Variants in MGAT5 observed in about 807,000 individuals in gnomAD.
MGAT5 encodes the protein alpha-1,6-mannosylglycoprotein 6-beta-N-acetylglucosaminyltransferase A.
In MGAT5, 30 loss-of-function variants were observed where a neutral mutation model predicts 94.3. The observed-to-expected ratio is 0.32, with a 90% CI of 0.24 to 0.43. The LOEUF (loss-of-function observed/expected upper bound fraction) is 0.43, where lower values mean the gene tolerates loss of function less well. MGAT5 is among the 20% of genes least tolerant of loss of function. MGAT5 has a pLI of 1.00. For missense variants in MGAT5, 691 were observed against 905.5 expected (o/e 0.76, Z 3.04); for synonymous variants, 310 against 322.9 (o/e 0.96, Z 0.43).
rs113969355 is a variant in MGAT5, at chr2:134,394,535, T to C, written c.1381-8453T>C. Among the ~76,000 whole-genome samples, 80 of 152,338 alleles carry C rather than the reference T, an allele frequency of 5.3e-4. 1 individual carries two copies. Among genetic ancestry groups the C allele is most frequent in the African/African-American group, 1.5e-3 (63 of 41,584 alleles). ...TTACTAAGAGAGACCAATATATAGA[T>C]AGAATTCTCCCCCCTTCTTGTTACC... On this transcript the variant is annotated intron_variant, in intron 10 of 15. Transcript: ENST00000281923.
intron 10 of MGAT5, among the ~76,000 whole-genome samples, chr2:134,370,059 A>G (rs945175691): frequency 1.3e-5 from 2 of 152,248 alleles, no homozygotes; most frequent in East Asian, 1.9e-4. Context: ...ATAGAATCCC[A>G]TTCTGAAAAC....
rs1270939281 is a variant in MGAT5 at position 134,256,044 on chromosome 2, T to TA, written c.241+1401dup. On this transcript the variant is annotated intron_variant, in intron 1 of 15. Transcript: ENST00000281923. The stretch of plus-strand genomic sequence containing the variant: ...ATTTTAGAAATTCTTTTCTAGTTCT[T>TA]ACTATGTAAATAATCACACTCTGCA... Among the ~76,000 whole-genome samples the TA allele has an allele frequency of 5.9e-5, 9 of 152,362 alleles. No homozygotes were observed. The East Asian group carries it at 1.5e-3, about 26-fold the overall frequency.
chr2:134,352,004 A>G (rs1413133656), intron 9 of MGAT5, among the ~76,000 whole-genome samples: 1 of 152,160 alleles, frequency 6.6e-6, no homozygotes, highest in Non-Finnish European at 1.5e-5. Context: ...CCAAGATACC[A>G]TGCCCCATGT....
intron 1 of MGAT5, among the ~76,000 whole-genome samples, chr2:134,185,896 A>G (rs145782741): frequency 4.9e-4 from 75 of 152,264 alleles, no homozygotes; most frequent in Admixed American, 1.4e-3. Context: ...CCCGAGTCCA[A>G]TTGCTCCTGG....
intron 1 of MGAT5, among the ~76,000 whole-genome samples, chr2:134,130,945 G>A (rs866620612): frequency 1.3e-5 from 2 of 152,246 alleles, no homozygotes; most frequent in Non-Finnish European, 2.9e-5. Flanking sequence ...GGGCCAATCA[G>A]CAGGATGTGG....
chr2:134,361,063 G>T (rs1680062908), intron 9 of MGAT5, among the ~76,000 whole-genome samples: 1 of 152,230 alleles, frequency 6.6e-6, no homozygotes, highest in Non-Finnish European at 1.5e-5. Flanking sequence ...CTGGGCATCG[G>T]AGTCCTAGGC....
intron 10 of MGAT5, among the ~76,000 whole-genome samples, chr2:134,400,361 A>G (rs974022527): frequency 7.9e-5 from 12 of 152,108 alleles, no homozygotes; most frequent in African/African-American, 2.9e-4. Flanking sequence ...TTTTCCTCTA[A>G]TCAGCTGTTG....
chr2:134,380,301 AGTAAATATT>A (rs1681457237), intron 10 of MGAT5, among the ~76,000 whole-genome samples: 1 of 152,242 alleles, frequency 6.6e-6, no homozygotes, highest in South Asian at 2.1e-4. Context: ...TCTGGAGCAT[AGTAAATATT>A]CAAATGGTAG....
chr2:134,347,372 A>G (rs1273911311), intron 8 of MGAT5, among the ~76,000 whole-genome samples: 1 of 152,182 alleles, frequency 6.6e-6, no homozygotes, highest in Non-Finnish European at 1.5e-5. Context: ...CATAGCTTAC[A>G]TCTAGGCGCT....
intron 10 of MGAT5, among the ~76,000 whole-genome samples, chr2:134,381,382 T>TAGATTAGATAGA (rs1553457734): frequency 1.8e-5 from 2 of 108,512 alleles, no homozygotes; most frequent in Non-Finnish European, 4.0e-5. Flanking sequence ...ATAAGATAGA[T>TAGATTAGATAGA]TAGATAGATA....
chr2:134,157,110 C>T (rs1687514708), intron 1 of MGAT5, among the ~76,000 whole-genome samples: 1 of 152,136 alleles, frequency 6.6e-6, no homozygotes, highest in South Asian at 2.1e-4. Flanking sequence ...TCAGCATCCT[C>T]CATCATATTG....
intron 9 of MGAT5, among the ~76,000 whole-genome samples, chr2:134,353,108 A>C (rs941959388): frequency 3.3e-5 from 5 of 152,282 alleles, no homozygotes; most frequent in South Asian, 2.1e-4. Flanking sequence ...AGTTCTGAAG[A>C]TCTCTTGCAT....
chr2:134,162,138 C>G (rs562159743), intron 1 of MGAT5, among the ~76,000 whole-genome samples: 2 of 151,756 alleles, frequency 1.3e-5, no homozygotes, highest in African/African-American at 2.4e-5. Context: ...TGCAGTGAGT[C>G]GAGATCACGC....
At chr2:134,279,335 CTG>C (rs1684559634) in intron 2 of MGAT5, among the ~76,000 whole-genome samples, 1 of 152,074 alleles carries the variant, frequency 6.6e-6, no homozygotes, top group Non-Finnish European at 1.5e-5. Flanking sequence ...CTTTTGAAAA[CTG>C]AGATTCCATA....
At chr2:134,434,008 G>A (rs991196916) in intron 14 of MGAT5, among the ~76,000 whole-genome samples, 13 of 152,308 alleles carry the variant, frequency 8.5e-5, no homozygotes, top group Middle Eastern at 3.4e-3. Context: ...GCTGCAGTGG[G>A]TGGGGTGAGG....
chr2:134,412,025 A>C (rs1266595397), intron 11 of MGAT5, among the ~76,000 whole-genome samples: 2 of 152,128 alleles, frequency 1.3e-5, no homozygotes, highest in Non-Finnish European at 2.9e-5. Flanking sequence ...TGTGAAGTAC[A>C]CCCACTGTGA....
At chr2:134,259,649 C>G (rs1039336447) in intron 1 of MGAT5, among the ~76,000 whole-genome samples, 1 of 152,212 alleles carries the variant, frequency 6.6e-6, no homozygotes, top group Non-Finnish European at 1.5e-5. Context: ...CCTCCAGGTT[C>G]TGTGTGCCTG....
At chr2:134,363,723 T>C (rs1680246673) in intron 10 of MGAT5, among the ~76,000 whole-genome samples, 1 of 152,228 alleles carries the variant, frequency 6.6e-6, no homozygotes, top group Admixed American at 6.5e-5. Flanking sequence ...ATGTTTCCTA[T>C]GTATGTTATA....
chr2:134,360,110 A>G (rs1424591715), intron 9 of MGAT5, among the ~76,000 whole-genome samples: 1 of 152,208 alleles, frequency 6.6e-6, no homozygotes, highest in Non-Finnish European at 1.5e-5. Flanking sequence ...CCACACTTGC[A>G]GGTTGTTGAT....
Sources: gnomAD v4.1 joint callset for allele counts (sites outside exome capture counted in the v4.1 genomes callset) on GRCh38, gnomAD v4.1.1 for gene constraint, MANE v1.5 for transcripts, NCBI Gene and HGNC (gene_info 2026-07-23, HGNC 2026-07-21) for gene names.